MLIP: variants seen among roughly 807,000 people sequenced by gnomAD.
The protein encoded by MLIP is muscular LMNA-interacting protein.
A neutral mutation model predicts 84.8 loss-of-function variants in MLIP; 79 were observed. The ratio of observed to expected loss-of-function variants is 0.93; its 90% confidence interval spans 0.78 to 1.12. The LOEUF is 1.12. Ranked by LOEUF, MLIP falls within the 50% of genes most tolerant of loss-of-function variation. MLIP has a pLI of 0.00. For synonymous variants in MLIP, 504 were observed against 463.0 expected, an observed-to-expected ratio of 1.09 and a Z score of -1.14; for missense variants, 1,257 against 1,160.6, an observed-to-expected ratio of 1.08 and a Z score of -1.21.
intron 1 of MLIP, among the ~76,000 whole-genome samples, chr6:54,119,841 A>G (rs1770280170): frequency 6.6e-6 from 1 of 152,104 alleles, no homozygotes; most frequent in African/African-American, 2.4e-5. Context: ...AGTGGTTCTC[A>G]TCATCTTCCC....
intron 11 of MLIP, among the ~76,000 whole-genome samples, chr6:54,210,116 T>C (rs1779327397): frequency 6.7e-6 from 1 of 150,144 alleles, no homozygotes; most frequent in Admixed American, 6.7e-5. Context: ...AATTCTCCCT[T>C]CCACACCTGC....
At chr6:54,247,719 T>C (rs1343244856) in intron 12 of MLIP, among the ~76,000 whole-genome samples, 1 of 152,090 alleles carries the variant, frequency 6.6e-6, no homozygotes, top group Non-Finnish European at 1.5e-5. Flanking sequence ...TTCTGTTACC[T>C]ATAGACATAC....
At position 54,102,559 on chromosome 6, in the gene MLIP, A is replaced by G. The variant is rs1397215206; in HGVS notation, c.64-18888A>G. Among the ~76,000 whole-genome samples the G allele has an allele frequency of 3.3e-5, 5 of 152,276 alleles. No individual in the cohort carries two copies. The East Asian group carries it at 9.7e-4, about 29-fold the overall frequency. On this transcript the variant is annotated intron_variant, in intron 1 of 12. Coordinates refer to the MLIP transcript ENST00000274897. ...CGGTTGTTATTTTTATATGTGGTATATCTTCAAAGTGACACTTTAAAGTGA... is the reference window on the plus strand; with the variant it reads ...CGGTTGTTATTTTTATATGTGGTATGTCTTCAAAGTGACACTTTAAAGTGA...
intron 3 of MLIP, among the ~76,000 whole-genome samples, chr6:54,135,186 G>A (rs1424709296): frequency 6.6e-6 from 1 of 152,046 alleles, no homozygotes; most frequent in Non-Finnish European, 1.5e-5. Context: ...ATAAACATTG[G>A]CTAAGCAGAG....
chr6:54,124,350 A>T, intron 2 of MLIP, 123 bp from the exon 3 acceptor site: 1 of 930,590 alleles, frequency 1.1e-6, no homozygotes, highest in Non-Finnish European at 1.5e-6. Context: ...TCTCTTTCTT[A>T]TGTCAACCTA....
At chr6:54,070,487 C>T (rs1191662185) in intron 1 of MLIP, among the ~76,000 whole-genome samples, 9 of 152,120 alleles carry the variant, frequency 5.9e-5, no homozygotes, top group Non-Finnish European at 4.4e-5. Context: ...TCTAGAACCA[C>T]GTCTCTGCTT....
chr6:54,121,362 G>C, intron 1 of MLIP, 85 bp from the exon 2 acceptor site: 1 of 1,384,592 alleles, frequency 7.2e-7, no homozygotes, highest in South Asian at 1.2e-5. Flanking sequence ...CAAAATAAAT[G>C]AGATAAATAT....
intron 9 of MLIP, among the ~76,000 whole-genome samples, chr6:54,183,788 A>G (rs1217202576): frequency 7.7e-6 from 1 of 129,036 alleles, no homozygotes; most frequent in African/African-American, 2.9e-5. Flanking sequence ...CTCTGTTACC[A>G]GGCTGGAGTG....
intron 5 of MLIP, among the ~76,000 whole-genome samples, chr6:54,152,933 T>C (rs1254742019): frequency 3.9e-5 from 6 of 152,106 alleles, no homozygotes; most frequent in African/African-American, 7.2e-5. Flanking sequence ...ATGATTAATA[T>C]TTTTCCATGA....
At chr6:54,250,787 T>C (rs1782421888) in intron 12 of MLIP, among the ~76,000 whole-genome samples, 1 of 152,116 alleles carries the variant, frequency 6.6e-6, no homozygotes, top group African/African-American at 2.4e-5. Context: ...TATTCACTCA[T>C]CATGCTTCTT....
chr6:54,059,897 A>G (rs1339876418), intron 1 of MLIP, among the ~76,000 whole-genome samples: 1 of 152,232 alleles, frequency 6.6e-6, no homozygotes, highest in Non-Finnish European at 1.5e-5. Flanking sequence ...TACAATGGTT[A>G]TTTCCTTTCT....
intron 4 of MLIP, among the ~76,000 whole-genome samples, chr6:54,139,554 C>A (rs1405946491): frequency 6.6e-6 from 1 of 152,138 alleles, no homozygotes; most frequent in Non-Finnish European, 1.5e-5. Context: ...GCAGCAATAT[C>A]AAATGCTTTC....
chr6:54,072,800 T>C (rs188412234), intron 1 of MLIP, among the ~76,000 whole-genome samples: 59 of 152,354 alleles, frequency 3.9e-4, no homozygotes, highest in African/African-American at 1.4e-3. Flanking sequence ...TGTGTAAATG[T>C]ATTGACTGAT....
chr6:54,171,905 T>A (rs1009170125), intron 9 of MLIP, among the ~76,000 whole-genome samples: 2 of 151,602 alleles, frequency 1.3e-5, no homozygotes, highest in Non-Finnish European at 3.0e-5. Context: ...TATTTCATCA[T>A]CTGTCTTCAA....
chr6:54,166,901 G>A (rs1775254859), intron 8 of MLIP, among the ~76,000 whole-genome samples: 1 of 151,792 alleles, frequency 6.6e-6, no homozygotes, highest in Admixed American at 6.6e-5. Flanking sequence ...GATTCCATAT[G>A]TTGCCTTCTC....
chr6:54,076,764 A>T (rs1766828523), intron 1 of MLIP, among the ~76,000 whole-genome samples: 1 of 152,222 alleles, frequency 6.6e-6, no homozygotes, highest in African/African-American at 2.4e-5. Context: ...TCCCACAGTG[A>T]ACATACATCA....
chr6:54,249,565 C>T (rs9474773), intron 12 of MLIP, among the ~76,000 whole-genome samples: 18,645 of 151,538 alleles, frequency 0.12, 1,589 homozygotes, highest in African/African-American at 0.23. Context: ...AAACTCAGAG[C>T]ATTGCCTATG....
intron 12 of MLIP, among the ~76,000 whole-genome samples, chr6:54,250,154 A>G (rs1382417930): frequency 6.6e-6 from 1 of 152,148 alleles, no homozygotes; most frequent in African/African-American, 2.4e-5. Context: ...TCAAAACCAC[A>G]ATGAGATACC....
intron 12 of MLIP, among the ~76,000 whole-genome samples, chr6:54,239,764 G>T (rs532731384): frequency 3.9e-5 from 6 of 151,910 alleles, no homozygotes; most frequent in Admixed American, 1.3e-4. Context: ...TCCAGTCTGG[G>T]TGACAGAGCA....
Sources: allele counts gnomAD v4.1 joint callset (sites outside exome capture counted in the v4.1 genomes callset), GRCh38; gene constraint gnomAD v4.1.1; transcripts MANE v1.5; gene names NCBI Gene and HGNC (gene_info 2026-07-23, HGNC 2026-07-21).